CHN2: variants seen among roughly 807,000 people sequenced by gnomAD.
CHN2 encodes the protein beta-chimaerin.
Under a neutral mutation model 56.3 loss-of-function variants are expected in CHN2, and 35 were observed. The observed-to-expected ratio is 0.62, with a 90% CI of 0.47 to 0.82. The LOEUF (loss-of-function observed/expected upper bound fraction) is 0.82. Ranked by LOEUF, CHN2 falls within the 40% of genes least tolerant of loss-of-function variation. The probability of loss-of-function intolerance (pLI) is 0.00; values close to 1 mark genes in which losing one functional copy is unlikely to be tolerated. For missense variants in CHN2, 491 were observed against 580.5 expected (o/e 0.85, Z 1.58); for synonymous variants, 210 against 212.8 (o/e 0.99, Z 0.12).
At chr7:29,176,251 TC>T (rs761043485) in intron 2 of CHN2, among the ~76,000 whole-genome samples, 3 of 150,214 alleles carry the variant, frequency 2.0e-5, no homozygotes, top group Non-Finnish European at 4.4e-5. Flanking sequence ...ACTACAAAGA[TC>T]CAGAAGAGAA....
intron 3 of CHN2, among the ~76,000 whole-genome samples, chr7:29,383,954 G>A (rs1800728234): frequency 6.6e-6 from 1 of 152,142 alleles, no homozygotes; most frequent in Non-Finnish European, 1.5e-5. Context: ...GGAGAGAAAG[G>A]GACCGTTTTA....
At position 29,500,029 on chromosome 7, in the gene CHN2, T is replaced by C; in HGVS notation, c.902T>C (p.Ile301Thr). The C allele has an allele frequency of 2.6e-6, 4 of 1,544,842 alleles. No individual in the cohort carries two copies. The highest frequency in any genetic ancestry group is 3.5e-6 in the Non-Finnish European group (4 of 1,144,898). ...GTGGTAGACATATGCATTCGGGAAA[T>C]TGAAGCAAGAGGTTTGGAAAATACT... ...PMVVDICIRE[I>T]EARGLKSEGL... is the part of the protein sequence containing the mutation. Residue 301 changes from isoleucine (I) to threonine (T), a missense_variant, in exon 9 of 13, where the codon ATT (isoleucine) becomes ACT (threonine). Ile to Thr is a moderately conservative substitution (Grantham distance 89). Transcript: ENST00000222792.
chr7:29,274,505 A>C (rs532564320), intron 1 of CHN2, among the ~76,000 whole-genome samples: 7 of 152,298 alleles, frequency 4.6e-5, no homozygotes, highest in Admixed American at 4.6e-4. Context: ...CATCTCACTT[A>C]ATTGTAACCT....
intron 2 of CHN2, among the ~76,000 whole-genome samples, chr7:29,153,553 A>G (rs1793908606): frequency 6.6e-6 from 1 of 152,120 alleles, no homozygotes; most frequent in Non-Finnish European, 1.5e-5. Context: ...AACAGTAAAT[A>G]CATTTTCTCT....
At chr7:29,488,114 G>A (rs1470191908) in intron 7 of CHN2, among the ~76,000 whole-genome samples, 1 of 152,190 alleles carries the variant, frequency 6.6e-6, no homozygotes, top group African/African-American at 2.4e-5. Context: ...GTGGTGCCCG[G>A]TTTGAGAAAC....
chr7:29,405,770 G>GT (rs1802600196), intron 6 of CHN2, among the ~76,000 whole-genome samples: 1 of 152,118 alleles, frequency 6.6e-6, no homozygotes, highest in South Asian at 2.1e-4. Context: ...TTGTTTGTTT[G>GT]TTTTTTCTTT....
chr7:29,320,882 A>G (rs1795291609), intron 1 of CHN2, among the ~76,000 whole-genome samples: 1 of 152,216 alleles, frequency 6.6e-6, no homozygotes, highest in Non-Finnish European at 1.5e-5. Context: ...TGCTGCAGGC[A>G]TAGAGACCAC....
intron 2 of CHN2, among the ~76,000 whole-genome samples, chr7:29,358,811 A>G (rs1256263810): frequency 2.0e-5 from 3 of 152,188 alleles, no homozygotes; most frequent in African/African-American, 2.4e-5. Flanking sequence ...TCTTGGCTGC[A>G]AGCAACAGAA....
At chr7:29,510,042 C>G (rs908578946) in intron 12 of CHN2, among the ~76,000 whole-genome samples, 3 of 152,090 alleles carry the variant, frequency 2.0e-5, no homozygotes, top group Non-Finnish European at 4.4e-5. Flanking sequence ...ACTCTGTGTC[C>G]TGTTCATCCC....
chr7:29,184,312 ATC>A (rs1462753891), intron 2 of CHN2: 5 of 151,506 alleles, frequency 3.3e-5, no homozygotes, highest in South Asian at 2.1e-4. Flanking sequence ...TATATGGTAT[ATC>A]TCATATCTCA....
At chr7:29,161,555 G>A (rs527252502) in intron 2 of CHN2, among the ~76,000 whole-genome samples, 154 of 152,054 alleles carry the variant, frequency 1.0e-3, no homozygotes, top group Non-Finnish European at 1.8e-3. Flanking sequence ...TTGTGGTCCC[G>A]GACCTGGAAT....
intron 1 of CHN2, among the ~76,000 whole-genome samples, chr7:29,283,767 C>T (rs940356518): frequency 1.3e-5 from 2 of 151,742 alleles, no homozygotes; most frequent in African/African-American, 4.8e-5. Context: ...TAAAGGCATG[C>T]ACCACCATGC....
chr7:29,376,111 C>G (rs1800059275), intron 3 of CHN2, among the ~76,000 whole-genome samples: 1 of 152,140 alleles, frequency 6.6e-6, no homozygotes. Context: ...ATTCTGCTTT[C>G]CATTGGAAAA....
At chr7:29,472,354 C>A (rs1390424405) in intron 6 of CHN2, among the ~76,000 whole-genome samples, 1 of 119,644 alleles carries the variant, frequency 8.4e-6, no homozygotes, top group Non-Finnish European at 1.9e-5. Flanking sequence ...TAGTATACCA[C>A]CAACCAACAT....
At chr7:29,191,232 C>T (rs538639508), upstream of CHN2, among the ~76,000 whole-genome samples, 20 of 152,222 alleles carry the variant, frequency 1.3e-4, no homozygotes, top group African/African-American at 3.9e-4. Flanking sequence ...AGGCCAAGCC[C>T]GCTATTAATG....
At chr7:29,454,180 A>T (rs1336422162) in intron 6 of CHN2, among the ~76,000 whole-genome samples, 1 of 152,146 alleles carries the variant, frequency 6.6e-6, no homozygotes, top group African/African-American at 2.4e-5. Context: ...GGATAAGTAG[A>T]ATATTTTAGG....
chr7:29,246,950 CACAA>C (rs1788127096), intron 1 of CHN2, among the ~76,000 whole-genome samples: 1 of 152,144 alleles, frequency 6.6e-6, no homozygotes, highest in Admixed American at 6.5e-5. Flanking sequence ...TTGGCAGACA[CACAA>C]ACACTCAGTC....
intron 3 of CHN2, among the ~76,000 whole-genome samples, chr7:29,375,247 G>A (rs1799977900): frequency 1.5e-5 from 2 of 136,832 alleles, no homozygotes; most frequent in Admixed American, 7.9e-5. Context: ...GGCCCAGGCT[G>A]GAGTGCAATG....
At chr7:29,332,662 C>T (rs1314602329) in intron 1 of CHN2, among the ~76,000 whole-genome samples, 1 of 152,072 alleles carries the variant, frequency 6.6e-6, no homozygotes, top group Non-Finnish European at 1.5e-5. Flanking sequence ...ATTCACATCC[C>T]ATCATGTCTA....
Sources: gnomAD v4.1 joint callset for allele counts (sites outside exome capture counted in the v4.1 genomes callset) on GRCh38, gnomAD v4.1.1 for gene constraint, MANE v1.5 for transcripts, NCBI Gene and HGNC (gene_info 2026-07-23, HGNC 2026-07-21) for gene names.